RBL1: variants seen among roughly 807,000 people sequenced by gnomAD.
The protein encoded by RBL1 is retinoblastoma-like protein 1.
Under a neutral mutation model 123.0 loss-of-function variants are expected in RBL1, and 82 were observed. The observed-to-expected ratio is 0.67, with a 90% CI of 0.56 to 0.80. The LOEUF is 0.80. RBL1 is among the 30% of genes least tolerant of loss of function. The pLI is 0.00. For synonymous variants in RBL1, 405 were observed against 441.3 expected (o/e 0.92, Z 1.03); for missense variants, 1,171 against 1,299.6 (o/e 0.90, Z 1.52).
Position 37,017,981 on chromosome 20 carries a change from C to T in RBL1, c.2722+298G>A, listed in dbSNP as rs551023240. On this transcript the variant is annotated intron_variant, in intron 19 of 21. Coordinates refer to ENST00000373664, the MANE Select transcript of RBL1 (RefSeq NM_002895.5). ...CCTCGGGAAGATTACTGTCAGCTAC[C>T]TTGTTTTCCCTGTCATTCAGATTTT... Among the ~76,000 whole-genome samples the T allele has an allele frequency of 2.0e-5, 3 of 152,230 alleles. No individual in the cohort carries two copies. The East Asian group carries it at 5.8e-4, about 29-fold the overall frequency.
chr20:37,057,531 T>G (rs1182248705), intron 9 of RBL1, among the ~76,000 whole-genome samples: 1 of 152,206 alleles, frequency 6.6e-6, no homozygotes, highest in Non-Finnish European at 1.5e-5. Context: ...TGCTGAATCC[T>G]TTATACGTTT....
Position 37,035,274 on chromosome 20 carries a change from G to T in RBL1, c.2138C>A (p.Thr713Lys). 2.5e-6 allele frequency: 4 copies of T among 1,613,824 alleles called. No homozygotes were observed. In the South Asian group the frequency reaches 3.3e-5, roughly 13 times the overall value. Residue 713 changes from threonine (T) to lysine (K), a missense_variant, in exon 15 of 22, where the codon ACA becomes AAA. Thr to Lys is a moderately conservative substitution (Grantham distance 78). Transcript: ENST00000373664. Reference sequence around the variant, plus strand: ...TGGAATTGTAACTTTATGTCCTGTTGTTCCTGTTACTGGGGCTGTGGCCAT... The same window carrying T: ...TGGAATTGTAACTTTATGTCCTGTTTTTCCTGTTACTGGGGCTGTGGCCAT... ...LTMATAPVTGTTGHKVTIPLH... is the reference protein window; with the variant it reads ...LTMATAPVTGKTGHKVTIPLH...
chr20:37,018,363 T>C lies in RBL1; in HGVS notation c.2638A>G (p.Arg880Gly). The change falls in exon 19 of 22, where the codon AGA becomes GGA. Residue 880 changes from arginine to glycine, a missense_variant. Transcript: ENST00000373664. ...NQPQANSHVY[R>G]SVLLKSIPRE... The stretch of plus-strand genomic sequence containing the variant: ...GGAATACTTTTCAGCAGAACACTTC[T>C]ATATACCTACATGCCAGAGGGGAAG... 1.9e-6 allele frequency: 3 copies of C among 1,609,402 alleles called. No homozygotes were observed. Among genetic ancestry groups the C allele is most frequent in the Non-Finnish European group, 2.5e-6 (3 of 1,178,454 alleles).
intron 3 of RBL1, among the ~76,000 whole-genome samples, chr20:37,067,683 T>C (rs2065200385): frequency 6.9e-6 from 1 of 145,870 alleles, no homozygotes; most frequent in Admixed American, 7.2e-5. Flanking sequence ...GGTAGGAGAA[T>C]TGCTTGAACC....
At chr20:37,016,361 GA>G (rs1387352862) in intron 19 of RBL1, among the ~76,000 whole-genome samples, 2 of 151,948 alleles carry the variant, frequency 1.3e-5, no homozygotes, top group Admixed American at 6.6e-5. Context: ...TCGTTGCCTT[GA>G]AAAGGCTCCA....
At chr20:37,029,184 G>A (rs986713630) in intron 16 of RBL1, among the ~76,000 whole-genome samples, 1 of 152,106 alleles carries the variant, frequency 6.6e-6, no homozygotes, top group African/African-American at 2.4e-5. Context: ...CAAAAAGCTA[G>A]GAAGAGAAGG....
intron 1 of RBL1, among the ~76,000 whole-genome samples, 183 bp downstream of exon 1, chr20:37,095,590 C>G (rs139707191): frequency 0.013 from 2,019 of 152,292 alleles, 21 homozygotes; most frequent in Non-Finnish European, 0.019. Flanking sequence ...CTTCAGTTTC[C>G]CGCCTCAAAA....
At position 37,095,755 on chromosome 20, in the gene RBL1, C is replaced by G; in HGVS notation, c.156+18G>C. ...CTGGCGAGGGTAGGGTCCGGCCGCC[C>G]CACCTGCTGCCGCTCACCTCTAGGC... On this transcript the variant is annotated intron_variant, in intron 1 of 21. Coordinates refer to ENST00000373664, the MANE Select transcript of RBL1 (RefSeq NM_002895.5). 1 of 1,571,642 alleles carries G rather than the reference C, an allele frequency of 6.4e-7. No homozygotes were observed. The highest frequency in any genetic ancestry group is 8.7e-7 in the Non-Finnish European group (1 of 1,153,498).
At chr20:37,050,544 CAAAA>C (rs148834732) in intron 11 of RBL1, among the ~76,000 whole-genome samples, 19 of 10,934 alleles carry the variant, frequency 1.7e-3, no homozygotes, top group African/African-American at 4.0e-3. Flanking sequence ...GACTCTGTCT[CAAAA>C]AAAAAAAAAA....
intron 11 of RBL1, among the ~76,000 whole-genome samples, chr20:37,047,585 G>C (rs951753779): frequency 2.6e-5 from 4 of 152,240 alleles, no homozygotes; most frequent in African/African-American, 9.6e-5. Context: ...TTCAGAAAAA[G>C]AAATACTTCA....
chr20:37,066,585 C>G (rs1285457211), intron 6 of RBL1, 139 bp downstream of exon 6: 2 of 731,954 alleles, frequency 2.7e-6, no homozygotes, highest in Non-Finnish European at 4.4e-6. Flanking sequence ...TAAGGAAATT[C>G]TGAATCACAG....
At chr20:37,069,153 A>G (rs2065235604) in intron 2 of RBL1, among the ~76,000 whole-genome samples, 1 of 152,256 alleles carries the variant, frequency 6.6e-6, no homozygotes. Context: ...AATGGTGCCC[A>G]GGCTGGAGTG....
intron 2 of RBL1, among the ~76,000 whole-genome samples, chr20:37,071,374 G>A (rs2065279078): frequency 6.6e-6 from 1 of 152,138 alleles, no homozygotes; most frequent in Admixed American, 6.6e-5. Context: ...TAATTTCCTT[G>A]GCTGGGCATG....
At chr20:37,079,033 TA>T (rs2065407266) in intron 2 of RBL1, among the ~76,000 whole-genome samples, 1 of 151,714 alleles carries the variant, frequency 6.6e-6, no homozygotes, top group South Asian at 2.1e-4. Context: ...CCCATCTCTA[TA>T]AAACAAAAAC....
chr20:37,089,143 A>G (rs1568897087), intron 1 of RBL1, 21 bp from the exon 2 acceptor site: 4 of 1,582,288 alleles, frequency 2.5e-6, no homozygotes, highest in Non-Finnish European at 3.4e-6. Flanking sequence ...AAAGACAAAC[A>G]GCAAAACAGG....
chr20:36,999,762 G>A (rs1472803467), intron 21 of RBL1, among the ~76,000 whole-genome samples: 3 of 152,238 alleles, frequency 2.0e-5, no homozygotes, highest in African/African-American at 7.2e-5. Context: ...CCGAGGTGCC[G>A]GGATGGCAGA....
chr20:37,048,408 A>G (rs2064850894), intron 11 of RBL1, among the ~76,000 whole-genome samples: 1 of 152,206 alleles, frequency 6.6e-6, no homozygotes, highest in South Asian at 2.1e-4. Flanking sequence ...TTAGGCACAG[A>G]AAAGACTAGG....
chr20:37,040,316 T>C lies in RBL1; in HGVS notation c.1771-31A>G, dbSNP rs780316958. On this transcript the variant is annotated intron_variant, in intron 13 of 21. Coordinates refer to ENST00000373664, the MANE Select transcript of RBL1 (RefSeq NM_002895.5). The stretch of plus-strand genomic sequence containing the variant: ...GAAAACAAAAACCCTTTGATTTACA[T>C]ATAGATAAACTTGCTGATTAAAACT... 8.7e-6 allele frequency: 14 copies of C among 1,602,990 alleles called. No individual in the cohort carries two copies. The Middle Eastern group carries it at 5.0e-4, about 57-fold the overall frequency.
intron 21 of RBL1, among the ~76,000 whole-genome samples, chr20:37,002,911 A>G (rs1424370939): frequency 6.6e-6 from 1 of 151,384 alleles, no homozygotes; most frequent in Non-Finnish European, 1.5e-5. Context: ...TTTAGTAAAG[A>G]CGGGGTTTCA....
Sources: gnomAD v4.1 joint callset for allele counts (sites outside exome capture counted in the v4.1 genomes callset) on GRCh38, gnomAD v4.1.1 for gene constraint, MANE v1.5 for transcripts, NCBI Gene and HGNC (gene_info 2026-07-23, HGNC 2026-07-21) for gene names.